Variants in SPON1 observed in about 807,000 individuals in gnomAD.
SPON1 encodes spondin-1.
A neutral mutation model predicts 111.7 loss-of-function variants in SPON1; 52 were observed. The ratio of observed to expected loss-of-function variants is 0.47; its 90% confidence interval spans 0.37 to 0.59. SPON1 has a LOEUF of 0.59. Ranked by LOEUF, SPON1 falls within the 20% of genes least tolerant of loss-of-function variation. The probability of loss-of-function intolerance (pLI) is 0.00; values close to 1 mark genes in which losing one functional copy is unlikely to be tolerated. For synonymous variants in SPON1, 410 were observed against 395.8 expected (o/e 1.04, Z -0.43); for missense variants, 957 against 1,068.5 (o/e 0.90, Z 1.46).
At position 14,259,339 on chromosome 11, in the gene SPON1, G is replaced by A. The variant is rs782564186; in HGVS notation, c.1552G>A (p.Gly518Ser). ...ITWSPCSISC[G>S]MGMRSRERYV... ...CTGGTCGCCCTGCAGCATCTCCTGCGGCATGGGCATGAGGTCCCGGGAGAG... is the reference window on the plus strand; with the variant it reads ...CTGGTCGCCCTGCAGCATCTCCTGCAGCATGGGCATGAGGTCCCGGGAGAG... Residue 518 changes from glycine (G) to serine (S), a missense_variant, in exon 12 of 16, where the codon GGC (glycine) becomes AGC (serine). Coordinates refer to ENST00000576479, the MANE Select transcript of SPON1 (RefSeq NM_006108.4). This position sits in a 1 kb window ranked among gnomAD's most constrained non-coding sequence, Gnocchi z 5.0. The A allele has an allele frequency of 3.7e-6, 6 of 1,613,066 alleles. No individual in the cohort carries two copies. The highest frequency in any genetic ancestry group is 5.1e-6 in the Non-Finnish European group (6 of 1,179,648).
chr11:14,222,418 C>A (rs1848690431), intron 6 of SPON1, among the ~76,000 whole-genome samples: 1 of 152,222 alleles, frequency 6.6e-6, no homozygotes, highest in Non-Finnish European at 1.5e-5. Flanking sequence ...GTTCCAGTGA[C>A]CAGTGACCTT....
At chr11:14,034,954 C>G (rs1266402810) in intron 2 of SPON1, among the ~76,000 whole-genome samples, 1 of 152,232 alleles carries the variant, frequency 6.6e-6, no homozygotes, top group Non-Finnish European at 1.5e-5. Flanking sequence ...CATCAGCAAA[C>G]AGGGTCCTCA....
At chr11:14,172,654 T>C (rs1848120276) in intron 6 of SPON1, among the ~76,000 whole-genome samples, 1 of 151,962 alleles carries the variant, frequency 6.6e-6, no homozygotes, top group Non-Finnish European at 1.5e-5. Flanking sequence ...CCATGTTTAG[T>C]GCTTCCTTCA....
chr11:13,978,587 A>C (rs995393659), intron 1 of SPON1, among the ~76,000 whole-genome samples: 11 of 152,206 alleles, frequency 7.2e-5, no homozygotes, highest in African/African-American at 2.4e-4. Context: ...GCTTGCACTG[A>C]TACTTTGAGG....
At chr11:14,142,473 A>G (rs1269609459) in intron 6 of SPON1, among the ~76,000 whole-genome samples, 1 of 152,050 alleles carries the variant, frequency 6.6e-6, no homozygotes, top group Non-Finnish European at 1.5e-5. Context: ...ATTTTTTCCC[A>G]AAGTTGATCA....
chr11:14,102,725 C>T (rs1181759242), intron 5 of SPON1, among the ~76,000 whole-genome samples: 1 of 152,218 alleles, frequency 6.6e-6, no homozygotes, highest in Non-Finnish European at 1.5e-5. Context: ...TATGTAGACT[C>T]TCCTTCTGTC....
chr11:14,026,679 A>G (rs1554915352), intron 2 of SPON1, among the ~76,000 whole-genome samples: 1 of 152,222 alleles, frequency 6.6e-6, no homozygotes. Context: ...AAAGGATAAC[A>G]GGGAGGTTGA....
At chr11:14,079,496 C>T (rs1462662131) in intron 4 of SPON1, among the ~76,000 whole-genome samples, 2 of 152,130 alleles carry the variant, frequency 1.3e-5, no homozygotes, top group Non-Finnish European at 1.5e-5. Flanking sequence ...AGAGAAAGCA[C>T]ACATGTGTAT....
At chr11:14,040,070 A>G (rs1847324606) in intron 2 of SPON1, among the ~76,000 whole-genome samples, 1 of 152,222 alleles carries the variant, frequency 6.6e-6, no homozygotes, top group Non-Finnish European at 1.5e-5. Context: ...CATGGCTGAT[A>G]GAATAAAAGG....
At chr11:14,042,362 C>T (rs1352797902) in intron 3 of SPON1, among the ~76,000 whole-genome samples, 3 of 151,040 alleles carry the variant, frequency 2.0e-5, no homozygotes, top group African/African-American at 7.3e-5. Flanking sequence ...ATTCATAATA[C>T]TAGCATAATG....
intron 6 of SPON1, among the ~76,000 whole-genome samples, chr11:14,208,212 A>G (rs1848535764): frequency 6.6e-6 from 1 of 152,138 alleles, no homozygotes; most frequent in African/African-American, 2.4e-5. Context: ...GGAAGGTGAA[A>G]GGTGGGAGGA....
chr11:14,079,426 T>G (rs905727281), intron 4 of SPON1, among the ~76,000 whole-genome samples: 1 of 152,234 alleles, frequency 6.6e-6, no homozygotes, highest in Non-Finnish European at 1.5e-5. Flanking sequence ...TTATTTTCAC[T>G]GCTCTGCTTC....
chr11:14,131,461 G>A (rs542077220), intron 5 of SPON1, among the ~76,000 whole-genome samples: 74 of 152,208 alleles, frequency 4.9e-4, no homozygotes, highest in African/African-American at 1.7e-3. Context: ...TCCTGCGCCC[G>A]GCAAACTATC....
At position 14,260,683 on chromosome 11, in the gene SPON1, T is replaced by C; in HGVS notation, c.1927T>C (p.Ser643Pro). 1 of 1,613,902 alleles carries C rather than the reference T, an allele frequency of 6.2e-7. No homozygotes were observed. The highest frequency in any genetic ancestry group is 8.5e-7 in the Non-Finnish European group (1 of 1,179,880). ...GCGAACCCGACAGCGGATGCTCAAG[T>C]CTCTGGCAGAACTTGGAGACTGCAA... is the stretch of plus-strand genomic sequence containing the variant. Reference protein sequence around the residue: ...GMRTRQRMLKSLAELGDCNED... With the variant: ...GMRTRQRMLKPLAELGDCNED... The change falls in exon 14 of 16, where the codon TCT (serine) becomes CCT (proline). Residue 643 changes from serine (S) to proline (P), a missense_variant. Physicochemically the swap from Ser to Pro is moderately conservative, Grantham distance 74 (BLOSUM62 -1). Coordinates refer to ENST00000576479, the MANE Select transcript of SPON1 (RefSeq NM_006108.4).
Position 14,259,493 on chromosome 11 carries a change from G to A in SPON1, c.1664-41G>A, listed in dbSNP as rs1849147978. 3.2e-6 allele frequency: 5 copies of A among 1,575,730 alleles called. No individual in the cohort carries two copies. The highest frequency in any genetic ancestry group is 1.8e-5 in the Admixed American group (1 of 54,172). ...GCGGGCAGGCGGGCAAGTAGGTCGG[G>A]GAGGCAGCAGGTGCGACTCCAATGC... is the stretch of plus-strand genomic sequence containing the variant. On this transcript the variant is annotated intron_variant, in intron 12 of 15. Coordinates refer to ENST00000576479, the MANE Select transcript of SPON1 (RefSeq NM_006108.4). The surrounding 1 kb of genome is among the most constrained non-coding windows in gnomAD (Gnocchi z 5.0).
intron 6 of SPON1, among the ~76,000 whole-genome samples, chr11:14,164,241 G>T (rs955344951): frequency 3.3e-5 from 5 of 152,148 alleles, no homozygotes; most frequent in African/African-American, 1.2e-4. Context: ...GGAAGTCCAT[G>T]GATAAATTTA....
At position 14,160,737 on chromosome 11, in the gene SPON1, TTAATTTA is replaced by T. The variant is rs1241087343; in HGVS notation, c.825+25172_825+25178del. 2.1e-3 allele frequency among the ~76,000 whole-genome samples: 11 copies of T among 5,324 alleles called. 1 individual carries two copies. The highest frequency in any genetic ancestry group is 4.8e-3 in the African/African-American group (6 of 1,262). The allele number at this position is 5,324 out of a possible 152,430, so 3.5% of individuals were successfully genotyped here. ...TATATATTTATATATTTATATATAT[TTAATTTA>T]TATATATTTATATATATTTATATAT... On this transcript the variant is annotated intron_variant, in intron 6 of 15. Transcript: ENST00000576479.
At chr11:14,170,066 A>G (rs1161956383) in intron 6 of SPON1, among the ~76,000 whole-genome samples, 6 of 152,194 alleles carry the variant, frequency 3.9e-5, no homozygotes, top group African/African-American at 1.2e-4. Flanking sequence ...GATGGCATTG[A>G]ATCTATAAAT....
At chr11:14,126,704 A>G (rs1352602150) in intron 5 of SPON1, among the ~76,000 whole-genome samples, 1 of 152,138 alleles carries the variant, frequency 6.6e-6, no homozygotes, top group African/African-American at 2.4e-5. Context: ...GCTTCCCCCT[A>G]GGTCTGAGTT....
Sources: gnomAD v4.1 joint callset for allele counts (sites outside exome capture counted in the v4.1 genomes callset) on GRCh38, gnomAD v4.1.1 for gene constraint, Gnocchi (gnomAD v3.1) non-coding constraint, MANE v1.5 for transcripts, NCBI Gene and HGNC (gene_info 2026-07-23, HGNC 2026-07-21) for gene names.